The following PARD3 variants were observed in gnomAD, a reference collection of about 807,000 sequenced individuals.
PARD3 encodes the protein partitioning defective 3 homolog.
PARD3 carries 75 observed loss-of-function variants against 155.4 expected under a neutral mutation model. The ratio of observed to expected loss-of-function variants is 0.48; its 90% CI spans 0.40 to 0.58. The LOEUF (loss-of-function observed/expected upper bound fraction) is 0.58, where lower values mean the gene tolerates loss of function less well. PARD3 is among the 20% of genes least tolerant of loss of function. The pLI is 0.00. For synonymous variants in PARD3, 576 were observed against 610.5 expected, an observed-to-expected ratio of 0.94 and a Z score of 0.83; for missense variants, 1,642 against 1,721.7, an observed-to-expected ratio of 0.95 and a Z score of 0.82.
intron 22 of PARD3, among the ~76,000 whole-genome samples, chr10:34,159,261 T>C (rs570572928): frequency 2.0e-5 from 3 of 152,298 alleles, no homozygotes; most frequent in African/African-American, 7.2e-5. Flanking sequence ...AGGTTATACG[T>C]GTTCTCTTTA....
At position 34,412,872 on chromosome 10, in the gene PARD3, A is replaced by G. The variant is rs11009778; in HGVS notation, c.715-10955T>C. Among the ~76,000 whole-genome samples, 1,302 of 152,282 alleles carry G rather than the reference A, an allele frequency of 8.5e-3. 13 individuals are homozygous for G. Among genetic ancestry groups the G allele is most frequent in the South Asian group, 0.039 (188 of 4,832 alleles). On this transcript the variant is annotated intron_variant, in intron 5 of 24. Transcript: ENST00000374788. Reference sequence around the variant, plus strand: ...CATTACAATTTTTAGAAAAATGATTAAACAAATGATACATAGGCCAAATAA... The same window carrying G: ...CATTACAATTTTTAGAAAAATGATTGAACAAATGATACATAGGCCAAATAA...
intron 1 of PARD3, among the ~76,000 whole-genome samples, chr10:34,806,573 C>T (rs1028753030): frequency 6.6e-6 from 1 of 152,168 alleles, no homozygotes; most frequent in African/African-American, 2.4e-5. Context: ...TCAAGCAATC[C>T]TCCCACCTCA....
rs142844287 is a variant in PARD3 at position 34,776,023 on chromosome 10, G to C, written c.120+38853C>G. On this transcript the variant is annotated intron_variant, in intron 1 of 24. Coordinates refer to ENST00000374788, the MANE Select transcript of PARD3 (RefSeq NM_001184785.2). ...AAGGATTGATTGAGCTCAGGAGTTCGAGATCAGCCTGGGCAACACAGTAAG... is the reference window on the plus strand; with the variant it reads ...AAGGATTGATTGAGCTCAGGAGTTCCAGATCAGCCTGGGCAACACAGTAAG... Among the ~76,000 whole-genome samples, 144 of 152,218 alleles carry C rather than the reference G, an allele frequency of 9.5e-4. 1 individual carries two copies. The highest frequency in any genetic ancestry group is 3.3e-3 in the African/African-American group (138 of 41,526).
chr10:34,259,703 G>T (rs1440549799), intron 22 of PARD3, among the ~76,000 whole-genome samples: 1 of 152,214 alleles, frequency 6.6e-6, no homozygotes. Flanking sequence ...TGGGAGAGAA[G>T]ATATGGCAAT....
At chr10:34,446,655 T>C (rs1410747634) in intron 5 of PARD3, among the ~76,000 whole-genome samples, 1 of 152,258 alleles carries the variant, frequency 6.6e-6, no homozygotes, top group African/African-American at 2.4e-5. Flanking sequence ...GAGAAAATTA[T>C]GTTTCCTTCA....
chr10:34,619,263 T>C lies in PARD3; in HGVS notation c.222+77055A>G, dbSNP rs60295051. On this transcript the variant is annotated intron_variant, in intron 2 of 24. Transcript: ENST00000374788. The stretch of plus-strand genomic sequence containing the variant: ...ACGGGGTTTCACGTGTTGGCCAGGC[T>C]GGTCTCGAACTGCTGACCTCAAGTG... Among the ~76,000 whole-genome samples the C allele has an allele frequency of 1.8e-3, 280 of 152,146 alleles. 6 individuals are homozygous for C. In the East Asian group the frequency reaches 0.044, roughly 24 times the overall value.
At chr10:34,281,000 T>C (rs1956130255) in intron 21 of PARD3, among the ~76,000 whole-genome samples, 1 of 152,192 alleles carries the variant, frequency 6.6e-6, no homozygotes, top group South Asian at 2.1e-4. Flanking sequence ...CTGTACCACA[T>C]AGTGTATATA....
intron 21 of PARD3, among the ~76,000 whole-genome samples, chr10:34,283,822 TTG>T (rs1956263911): frequency 6.6e-6 from 1 of 152,010 alleles, no homozygotes; most frequent in Non-Finnish European, 1.5e-5. Flanking sequence ...TAAGTACTTT[TTG>T]TGTTATTTTA....
intron 1 of PARD3, among the ~76,000 whole-genome samples, chr10:34,710,456 A>AAAT (rs10670816): frequency 1 from 151,666 of 152,262 alleles, 75,541 homozygotes; most frequent in Middle Eastern, 1. Flanking sequence ...GTTCCCAATA[A>AAAT]AATGACTGTC....
intron 2 of PARD3, among the ~76,000 whole-genome samples, chr10:34,563,542 T>A (rs974306272): frequency 2.0e-5 from 3 of 151,792 alleles, no homozygotes; most frequent in African/African-American, 7.3e-5. Context: ...ATTTTTTTTT[T>A]TTTTTTGAGA....
intron 1 of PARD3, among the ~76,000 whole-genome samples, chr10:34,780,020 C>T (rs1474844012): frequency 6.6e-6 from 1 of 152,202 alleles, no homozygotes. Flanking sequence ...CTACGATTCC[C>T]CATCCTATTC....
chr10:34,522,330 C>T (rs1260235982), intron 2 of PARD3, among the ~76,000 whole-genome samples: 2 of 152,070 alleles, frequency 1.3e-5, no homozygotes, highest in Non-Finnish European at 2.9e-5. Context: ...CCTAGAGCCT[C>T]GAGAAAGGAG....
At chr10:34,297,425 T>C (rs1956958520) in intron 20 of PARD3, among the ~76,000 whole-genome samples, 1 of 152,196 alleles carries the variant, frequency 6.6e-6, no homozygotes, top group African/African-American at 2.4e-5. Context: ...AAAATAGTAA[T>C]AGCAAAGATA....
chr10:34,204,461 C>T (rs983047553), intron 22 of PARD3, among the ~76,000 whole-genome samples: 2 of 152,282 alleles, frequency 1.3e-5, no homozygotes, highest in African/African-American at 2.4e-5. Context: ...TTATATACAG[C>T]GTTTTCACTT....
chr10:34,481,536 G>A (rs1173772461), intron 3 of PARD3, among the ~76,000 whole-genome samples: 2 of 152,190 alleles, frequency 1.3e-5, no homozygotes, highest in African/African-American at 4.8e-5. Flanking sequence ...CAGGGGAAAA[G>A]TTAGTTGAGC....
At chr10:34,766,106 G>A (rs1838052527) in intron 1 of PARD3, among the ~76,000 whole-genome samples, 1 of 152,204 alleles carries the variant, frequency 6.6e-6, no homozygotes, top group Non-Finnish European at 1.5e-5. Flanking sequence ...CAAGTTAACA[G>A]TGCATTTATT....
At chr10:34,355,161 T>A (rs1838655992) in intron 14 of PARD3, among the ~76,000 whole-genome samples, 1 of 152,056 alleles carries the variant, frequency 6.6e-6, no homozygotes, top group South Asian at 2.1e-4. Context: ...CATAGTGAGA[T>A]CCCATCTTTA....
chr10:34,764,034 G>A (rs913610597), intron 1 of PARD3, among the ~76,000 whole-genome samples: 2 of 152,118 alleles, frequency 1.3e-5, no homozygotes, highest in Non-Finnish European at 2.9e-5. Context: ...AAAAGAAAAC[G>A]GAATTTGTAC....
At chr10:34,690,763 T>C (rs2094042008) in intron 2 of PARD3, among the ~76,000 whole-genome samples, 1 of 151,940 alleles carries the variant, frequency 6.6e-6, no homozygotes, top group African/African-American at 2.4e-5. Flanking sequence ...TCTGTAAAAG[T>C]AAAAAGGAAA....
Sources: gnomAD v4.1 joint callset for allele counts (sites outside exome capture counted in the v4.1 genomes callset) on GRCh38, gnomAD v4.1.1 for gene constraint, MANE v1.5 for transcripts, NCBI Gene and HGNC (gene_info 2026-07-23, HGNC 2026-07-21) for gene names.